Variants in CERS4 observed in about 807,000 individuals in gnomAD.
CERS4 encodes the protein ceramide synthase 4, also known as LAG1 homolog, ceramide synthase 4.
Under a neutral mutation model 51.8 loss-of-function variants are expected in CERS4, and 65 were observed. The observed-to-expected ratio is 1.26, with a 90% CI of 1.03 to 1.54. The LOEUF (loss-of-function observed/expected upper bound fraction) is 1.54. Ranked by LOEUF, CERS4 falls within the 40% of genes most tolerant of loss-of-function variation. The pLI is 0.00. For synonymous variants in CERS4, 228 were observed against 208.4 expected (o/e 1.09, Z -0.81); for missense variants, 563 against 500.4 (o/e 1.13, Z -1.19).
chr19:8,224,476 G>T (rs1015690596), intron 2 of CERS4, among the ~76,000 whole-genome samples: 1 of 152,118 alleles, frequency 6.6e-6, no homozygotes, highest in East Asian at 1.9e-4. Flanking sequence ...CCCAGGAGGG[G>T]AGTGTCCCCT....
intron 2 of CERS4, among the ~76,000 whole-genome samples, chr19:8,238,202 T>G (rs1225819395): frequency 6.6e-6 from 1 of 151,916 alleles, no homozygotes; most frequent in African/African-American, 2.4e-5. Context: ...GGCCTGACCA[T>G]CACTAACTGG....
At chr19:8,261,428 T>C (rs1969696709) in intron 10 of CERS4, 1 of 495,360 alleles carries the variant, frequency 2.0e-6, no homozygotes, top group Non-Finnish European at 3.6e-6. Context: ...AGCAGCTGAG[T>C]TCATAAGTAC....
At chr19:8,243,604 C>A (rs555120482) in intron 2 of CERS4, among the ~76,000 whole-genome samples, 38 of 152,188 alleles carry the variant, frequency 2.5e-4, no homozygotes, top group African/African-American at 9.1e-4. Context: ...TCAGTTGCCC[C>A]ATAGCATGGT....
intron 2 of CERS4, among the ~76,000 whole-genome samples, chr19:8,237,694 C>G (rs1284053078): frequency 6.6e-6 from 1 of 151,780 alleles, no homozygotes; most frequent in Non-Finnish European, 1.5e-5. Flanking sequence ...ACTAAAAATA[C>G]AAAAAAATTA....
intron 2 of CERS4, among the ~76,000 whole-genome samples, chr19:8,250,056 C>A (rs1968997524): frequency 6.6e-6 from 1 of 151,882 alleles, no homozygotes; most frequent in African/African-American, 2.4e-5. Context: ...CTCACTGCAA[C>A]CTCCTCCTCC....
rs1325462533 is a variant in CERS4, at chr19:8,210,034, CG to C, written c.-159+543del. Reference sequence around the variant, plus strand: ...GGGCTTTTTAGGCCCAGGGCCTAGCCGGGAGTGTGTGCGGAGCAGAAAAGAG... The same window carrying C: ...GGGCTTTTTAGGCCCAGGGCCTAGCCGGAGTGTGTGCGGAGCAGAAAAGAG... On this transcript the variant is annotated intron_variant, in intron 1 of 11. Coordinates refer to ENST00000251363, the MANE Select transcript of CERS4 (RefSeq NM_024552.3). This position sits in a 1 kb window ranked among gnomAD's most constrained non-coding sequence, Gnocchi z 4.2. The C allele has an allele frequency of 1.9e-5, 1 of 54,018 alleles. No homozygotes were observed. The highest frequency in any genetic ancestry group is 4.5e-5 in the Non-Finnish European group (1 of 22,160). The allele number at this position is 54,018 out of a possible 1,614,324, so 3.3% of individuals were successfully genotyped here. A position where few individuals can be genotyped will look rare whatever the true frequency, so the allele number is the denominator to read the frequency against.
chr19:8,213,908 G>A (rs1383300432), intron 2 of CERS4, among the ~76,000 whole-genome samples: 2 of 152,162 alleles, frequency 1.3e-5, no homozygotes, highest in Admixed American at 1.3e-4. Context: ...AGAGGTTGCA[G>A]TGAGCCAAGA....
chr19:8,244,069 A>C (rs965498214), intron 2 of CERS4, among the ~76,000 whole-genome samples: 11 of 152,226 alleles, frequency 7.2e-5, no homozygotes, highest in Non-Finnish European at 4.4e-5. Context: ...TAAAATGAAG[A>C]AGACGGAGGC....
Position 8,258,004 on chromosome 19 carries a change from G to A in CERS4, c.848+19G>A, listed in dbSNP as rs746403715. ...CCACCCAGTGAGTCAGCCCTCCCAT[G>A]GGGGTCAGGGAGGTGGGAGGGCGTG... On this transcript the variant is annotated intron_variant, in intron 10 of 11. Coordinates refer to ENST00000251363, the MANE Select transcript of CERS4 (RefSeq NM_024552.3). 6 of 1,577,866 alleles carry A rather than the reference G, an allele frequency of 3.8e-6. No homozygotes were observed. The East Asian group carries it at 8.9e-5, about 24-fold the overall frequency.
chr19:8,250,793 GGTCAA>G (rs1325129499), intron 2 of CERS4: 12 of 1,165,692 alleles, frequency 1.0e-5, no homozygotes, highest in Middle Eastern at 3.5e-4. Flanking sequence ...GGTTCAGAGA[GGTCAA>G]GTCATTTGCC....
At chr19:8,223,101 AG>A (rs1264376103) in intron 2 of CERS4, among the ~76,000 whole-genome samples, 1 of 151,638 alleles carries the variant, frequency 6.6e-6, no homozygotes, top group Non-Finnish European at 1.5e-5. Context: ...TGGGAGGTTG[AG>A]GTGGGAGGAT....
chr19:8,254,456 T>G (rs1263897981), intron 3 of CERS4, 43 bp from the exon 4 acceptor site: 1 of 1,564,586 alleles, frequency 6.4e-7, no homozygotes, highest in Non-Finnish European at 8.8e-7. Flanking sequence ...GGCAGTCCCA[T>G]CTCTTCACCT....
At chr19:8,243,647 CT>C (rs75963706) in intron 2 of CERS4, among the ~76,000 whole-genome samples, 129,790 of 145,132 alleles carry the variant, frequency 0.89, 58,400 homozygotes, top group Non-Finnish European at 0.95. Flanking sequence ...CAGTCTCTTC[CT>C]TTTTTTTTTT....
chr19:8,261,703 ATAC>A lies in CERS4; in HGVS notation c.868_870del (p.Tyr290del), dbSNP rs1272410631. ...CTGGCTGTAGGATCCTCTACACCAC[ATAC>A]TACGAGTCCATCAGCAACAGGGGCC... On this transcript the variant is annotated inframe_deletion, in exon 11 of 12. Coordinates refer to ENST00000251363, the MANE Select transcript of CERS4 (RefSeq NM_024552.3). The A allele has an allele frequency of 2.5e-6, 4 of 1,613,986 alleles. No individual in the cohort carries two copies. Among genetic ancestry groups the A allele is most frequent in the Middle Eastern group, 1.6e-4 (1 of 6,070 alleles).
chr19:8,245,544 T>A (rs937395922), intron 2 of CERS4, among the ~76,000 whole-genome samples: 1 of 151,274 alleles, frequency 6.6e-6, no homozygotes, highest in Non-Finnish European at 1.5e-5. Context: ...TTTTTATTTA[T>A]TTTATTTATT....
At chr19:8,211,018 C>A (rs745102) in intron 2 of CERS4, among the ~76,000 whole-genome samples, 156 bp downstream of exon 2, 2 of 151,484 alleles carry the variant, frequency 1.3e-5, no homozygotes, top group Non-Finnish European at 2.9e-5. Flanking sequence ...CGATGAAAGC[C>A]GAGGCTAGGC....
chr19:8,258,707 T>G (rs1969523042), intron 10 of CERS4, among the ~76,000 whole-genome samples: 1 of 152,184 alleles, frequency 6.6e-6, no homozygotes, highest in Non-Finnish European at 1.5e-5. Context: ...CCGGACGTGA[T>G]GGTGCATACC....
intron 2 of CERS4, among the ~76,000 whole-genome samples, chr19:8,250,068 G>C (rs941491312): frequency 6.6e-6 from 1 of 150,694 alleles, no homozygotes; most frequent in Non-Finnish European, 1.5e-5. Context: ...TCCTCCTCCC[G>C]GGTTCAAGCG....
chr19:8,241,059 C>T (rs1344449126), intron 2 of CERS4, among the ~76,000 whole-genome samples: 4 of 152,132 alleles, frequency 2.6e-5, no homozygotes, highest in Admixed American at 6.6e-5. Flanking sequence ...CTGCCACCCA[C>T]GCGGTGGCTC....
Sources: allele counts gnomAD v4.1 joint callset (sites outside exome capture counted in the v4.1 genomes callset), GRCh38; gene constraint gnomAD v4.1.1; non-coding constraint Gnocchi (gnomAD v3.1); transcripts MANE v1.5; gene names NCBI Gene and HGNC (gene_info 2026-07-23, HGNC 2026-07-21).